ATP10B: variants seen among roughly 807,000 people sequenced by gnomAD.
ATP10B encodes the protein ATPase phospholipid transporting 10B (putative).
ATP10B carries 122 observed loss-of-function variants against 141.2 expected under a neutral mutation model. That is an observed-to-expected ratio of 0.86 (90% CI 0.75 to 1.00). The LOEUF (loss-of-function observed/expected upper bound fraction) is 1.00. Ranked by LOEUF, ATP10B falls within the 50% of genes least tolerant of loss-of-function variation. The pLI is 0.00. For missense variants in ATP10B, 1,876 were observed against 1,825.3 expected, an observed-to-expected ratio of 1.03 and a Z score of -0.51; for synonymous variants, 685 against 692.0, an observed-to-expected ratio of 0.99 and a Z score of 0.16.
At chr5:160,874,909 T>C in the ATP10B span, among the ~76,000 whole-genome samples, 6 of 144,586 alleles carry the variant, frequency 4.1e-5, no homozygotes, top group Non-Finnish European at 7.5e-5. Context: ...TACATCTGAT[T>C]GGTGTACCTG....
chr5:160,753,786 T>C (rs1768327040), intron 2 of ATP10B, among the ~76,000 whole-genome samples: 1 of 152,204 alleles, frequency 6.6e-6, no homozygotes, highest in South Asian at 2.1e-4. Flanking sequence ...AATTTACCCA[T>C]ATACTACCCT....
chr5:160,650,102 C>G (rs1760606454), intron 7 of ATP10B, among the ~76,000 whole-genome samples: 2 of 145,810 alleles, frequency 1.4e-5, no homozygotes, highest in South Asian at 4.2e-4. Flanking sequence ...AAGACTCTGT[C>G]TCAAAAAAAA....
intron 24 of ATP10B, among the ~76,000 whole-genome samples, chr5:160,571,943 C>G (rs1341850436): frequency 6.6e-6 from 1 of 152,124 alleles, no homozygotes; most frequent in Admixed American, 6.5e-5. Context: ...CTGAGTATAT[C>G]CTTACCTTGA....
intron 2 of ATP10B, among the ~76,000 whole-genome samples, chr5:160,740,752 C>A (rs1355962231): frequency 6.6e-6 from 1 of 152,212 alleles, no homozygotes. Flanking sequence ...TTGCAAAGTA[C>A]AAGAAGCCCT....
At chr5:160,795,403 A>G (rs150122001) in intron 1 of ATP10B, among the ~76,000 whole-genome samples, 48 of 152,190 alleles carry the variant, frequency 3.2e-4, no homozygotes, top group African/African-American at 1.2e-3. Context: ...TGGGTAAGTC[A>G]TTTCCCATCT....
chr5:160,772,290 T>A (rs1450925700), intron 2 of ATP10B, among the ~76,000 whole-genome samples: 1 of 152,244 alleles, frequency 6.6e-6, no homozygotes, highest in Admixed American at 6.5e-5. Context: ...AATACTACCC[T>A]CAGATGATGC....
At chr5:160,901,162 C>T in the ATP10B span, among the ~76,000 whole-genome samples, 3 of 152,020 alleles carry the variant, frequency 2.0e-5, no homozygotes, top group Non-Finnish European at 2.9e-5. Context: ...GCAAATATTG[C>T]GAACTTCACA....
intron 2 of ATP10B, among the ~76,000 whole-genome samples, chr5:160,722,925 C>T (rs538973357): frequency 6.6e-6 from 1 of 152,292 alleles, no homozygotes; most frequent in South Asian, 2.1e-4. Flanking sequence ...TTGATTTCAG[C>T]TTCATACAGA....
chr5:160,755,822 AAAAAAAAAAAAAAAAAATATATATAT>A (rs1418581693), intron 2 of ATP10B, among the ~76,000 whole-genome samples: 72 of 56,572 alleles, frequency 1.3e-3, no homozygotes, highest in Middle Eastern at 0.014. Context: ...CTCAAAAAAA[AAAAAAAAAAAAAAAAAATATATATAT>A]ATATATATAT....
intron 1 of ATP10B, among the ~76,000 whole-genome samples, chr5:160,798,568 C>T (rs1772124700): frequency 6.6e-6 from 1 of 152,054 alleles, no homozygotes; most frequent in African/African-American, 2.4e-5. Flanking sequence ...GCAAGAAAGG[C>T]TCCTCTCTCC....
intron 2 of ATP10B, among the ~76,000 whole-genome samples, chr5:160,766,331 A>G (rs1738084406): frequency 7.2e-6 from 1 of 139,594 alleles, no homozygotes; most frequent in African/African-American, 2.7e-5. Flanking sequence ...ATGAGTGGAT[A>G]AAGAGAACAC....
chr5:160,615,416 C>G (rs753209609), intron 17 of ATP10B, among the ~76,000 whole-genome samples: 2 of 151,142 alleles, frequency 1.3e-5, no homozygotes, highest in Non-Finnish European at 2.9e-5. Flanking sequence ...CAGCTCTCAC[C>G]AGTCTGTTGA....
At chr5:160,857,153 A>G (rs1754019896), upstream of ATP10B, among the ~76,000 whole-genome samples, 1 of 151,800 alleles carries the variant, frequency 6.6e-6, no homozygotes. Flanking sequence ...CTTTAAACAA[A>G]TTGTAGGATT....
At chr5:160,675,228 A>G (rs1762950704) in intron 6 of ATP10B, among the ~76,000 whole-genome samples, 1 of 152,188 alleles carries the variant, frequency 6.6e-6, no homozygotes, top group African/African-American at 2.4e-5. Context: ...TCCCCCTACT[A>G]GAGGGTCCAC....
chr5:160,580,150 A>C (rs1366538770), intron 24 of ATP10B, among the ~76,000 whole-genome samples: 1 of 152,086 alleles, frequency 6.6e-6, no homozygotes, highest in African/African-American at 2.4e-5. Flanking sequence ...AATACCCTTT[A>C]TTTCTTTCTC....
chr5:160,853,812 A>G (rs1378500645), upstream of ATP10B, among the ~76,000 whole-genome samples: 2 of 152,212 alleles, frequency 1.3e-5, no homozygotes, highest in Non-Finnish European at 2.9e-5. Flanking sequence ...TTCAGTTTTT[A>G]TTAGAGGGAC....
chr5:160,646,546 A>G (rs1472510765), intron 8 of ATP10B, among the ~76,000 whole-genome samples: 2 of 152,218 alleles, frequency 1.3e-5, no homozygotes, highest in African/African-American at 4.8e-5. Flanking sequence ...ATTTTACTGA[A>G]TATGATAAAA....
chr5:160,632,536 C>A, intron 12 of ATP10B, 169 bp from the exon 13 acceptor site: 1 of 590,216 alleles, frequency 1.7e-6, no homozygotes, highest in Non-Finnish European at 3.0e-6. Context: ...AAAACTAAGT[C>A]CCACAGATTC....
the ATP10B span, among the ~76,000 whole-genome samples, chr5:160,910,884 G>T: frequency 0.024 from 3,636 of 152,276 alleles, 57 homozygotes; most frequent in Non-Finnish European, 0.04. Context: ...TTAGAGGTGG[G>T]GCCTGGGGTG....
Sources: gnomAD v4.1 joint callset for allele counts (sites outside exome capture counted in the v4.1 genomes callset) on GRCh38, gnomAD v4.1.1 for gene constraint, MANE v1.5 for transcripts, NCBI Gene and HGNC (gene_info 2026-07-23, HGNC 2026-07-21) for gene names.